RIPOR3: variants seen among roughly 807,000 people sequenced by gnomAD.
The protein encoded by RIPOR3 is RIPOR family member 3.
Under a neutral mutation model 114.3 loss-of-function variants are expected in RIPOR3, and 95 were observed. The ratio of observed to expected loss-of-function variants is 0.83; its 90% CI spans 0.70 to 0.99. The LOEUF (loss-of-function observed/expected upper bound fraction) is 0.99, where lower values mean the gene tolerates loss of function less well. Ranked by LOEUF, RIPOR3 falls within the 50% of genes least tolerant of loss-of-function variation. RIPOR3 has a pLI of 0.00. For missense variants in RIPOR3, 1,252 were observed against 1,266.9 expected, an observed-to-expected ratio of 0.99 and a Z score of 0.18; for synonymous variants, 575 against 543.8, an observed-to-expected ratio of 1.06 and a Z score of -0.80.
chr20:50,623,750 T>A (rs1326736541), intron 2 of RIPOR3, among the ~76,000 whole-genome samples: 1 of 152,206 alleles, frequency 6.6e-6, no homozygotes, highest in Non-Finnish European at 1.5e-5. Flanking sequence ...TGAGCCTAAG[T>A]AACTGGGGGC....
chr20:50,616,316 GTTA>G (rs939234317), intron 3 of RIPOR3, among the ~76,000 whole-genome samples: 2 of 152,064 alleles, frequency 1.3e-5, no homozygotes, highest in African/African-American at 2.4e-5. Context: ...AGCTTCTACT[GTTA>G]TTATATGCAT....
chr20:50,650,620 A>G (rs1227129752), intron 1 of RIPOR3, among the ~76,000 whole-genome samples: 1 of 152,178 alleles, frequency 6.6e-6, no homozygotes, highest in Non-Finnish European at 1.5e-5. Flanking sequence ...TATGAATTTT[A>G]GAGTGACCCA....
chr20:50,590,207 A>G (rs1021196230), intron 19 of RIPOR3, among the ~76,000 whole-genome samples: 30 of 152,174 alleles, frequency 2.0e-4, no homozygotes, highest in Non-Finnish European at 1.0e-4. Context: ...CTCCTGTCCA[A>G]TCCCAGCGGT....
At chr20:50,598,155 C>T (rs573834922) in intron 13 of RIPOR3, among the ~76,000 whole-genome samples, 1 of 152,190 alleles carries the variant, frequency 6.6e-6, no homozygotes, top group Non-Finnish European at 1.5e-5. Context: ...ATACCAACAA[C>T]AAATTTCAAA....
intron 13 of RIPOR3, 107 bp downstream of exon 13, chr20:50,601,965 G>T: frequency 8.8e-7 from 1 of 1,137,872 alleles, no homozygotes; most frequent in Non-Finnish European, 1.2e-6. Context: ...GTCACGCAGA[G>T]GTGAGGCCAG....
intron 1 of RIPOR3, among the ~76,000 whole-genome samples, chr20:50,635,712 C>T (rs868202713): frequency 6.6e-6 from 1 of 152,112 alleles, no homozygotes; most frequent in Admixed American, 6.5e-5. Context: ...AGAAGGAAAC[C>T]GAGGCTCAGA....
rs970771987 is a variant in RIPOR3 at position 50,590,850 on chromosome 20, C to T, written c.2578-1081G>A. 4.8e-5 allele frequency among the ~76,000 whole-genome samples: 7 copies of T among 145,952 alleles called. No homozygotes were observed. The East Asian group carries it at 6.1e-4, about 13-fold the overall frequency. On this transcript the variant is annotated intron_variant, in intron 19 of 21. Coordinates refer to ENST00000327979, the MANE Select transcript of RIPOR3 (RefSeq NM_001290268.2). ...TTTTTTTTGAGACAGAGTCTCACTT[C>T]GTTGCCCAGCCTGGGGTGCAGTAGC...
intron 2 of RIPOR3, chr20:50,620,965 C>T (rs529861524): frequency 1.2e-4 from 62 of 531,936 alleles, no homozygotes; most frequent in African/African-American, 9.7e-4. Context: ...ACAAACAGGC[C>T]CTCAAGTTCA....
chr20:50,612,054 G>T (rs1445631770), intron 4 of RIPOR3, among the ~76,000 whole-genome samples: 1 of 151,778 alleles, frequency 6.6e-6, no homozygotes, highest in Non-Finnish European at 1.5e-5. Flanking sequence ...GAACCTCAGA[G>T]GTGGAGGTTG....
At position 50,597,581 on chromosome 20, in the gene RIPOR3, G is replaced by A. The variant is rs770164575; in HGVS notation, c.1789C>T (p.Arg597Ter). Residue 597 changes from arginine (R) to a stop codon, truncating the protein, a stop_gained and splice_region_variant, in exon 14 of 22, where the codon CGA (arginine) becomes TGA (stop). Coordinates refer to ENST00000327979, the MANE Select transcript of RIPOR3 (RefSeq NM_001290268.2). LOFTEE classifies it high-confidence loss of function. ...ACTGCTGGAAGGAGGTGCACTCACCGGAGACCCTGGGAGCCCCCAAACAGG... is the reference window on the plus strand; with the variant it reads ...ACTGCTGGAAGGAGGTGCACTCACCAGAGACCCTGGGAGCCCCCAAACAGG... ...LSLFGGSQGL[R>*]KDRPLPPPSS... The A allele has an allele frequency of 1.4e-5, 23 of 1,603,576 alleles. No individual in the cohort carries two copies. The East Asian group carries it at 2.0e-4, about 14-fold the overall frequency.
chr20:50,606,463 G>A (rs1222574537), intron 11 of RIPOR3, among the ~76,000 whole-genome samples: 2 of 152,138 alleles, frequency 1.3e-5, no homozygotes, highest in South Asian at 2.1e-4. Flanking sequence ...CAAAGGCAAC[G>A]CTCCCTACAG....
chr20:50,625,725 G>A (rs2084594663), intron 2 of RIPOR3, among the ~76,000 whole-genome samples: 2 of 152,128 alleles, frequency 1.3e-5, no homozygotes, highest in Admixed American at 6.5e-5. Flanking sequence ...AAAGGGGGAA[G>A]GGCAACCATG....
chr20:50,644,629 A>T (rs954345108), intron 1 of RIPOR3, among the ~76,000 whole-genome samples: 1 of 142,130 alleles, frequency 7.0e-6, no homozygotes, highest in South Asian at 2.2e-4. Flanking sequence ...GACTACAGGC[A>T]TGTGCCACCA....
intron 3 of RIPOR3, among the ~76,000 whole-genome samples, chr20:50,617,382 G>T (rs1270373342): frequency 1.3e-5 from 2 of 152,146 alleles, no homozygotes; most frequent in African/African-American, 4.8e-5. Flanking sequence ...AAAGGACACA[G>T]AATCTGTCCT....
intron 12 of RIPOR3, among the ~76,000 whole-genome samples, chr20:50,603,090 C>T (rs185686411): frequency 3.6e-4 from 55 of 152,368 alleles, no homozygotes; most frequent in African/African-American, 1.3e-3. Flanking sequence ...GGCCCCTTCC[C>T]TTCCTGCTGT....
At chr20:50,671,816 A>G (rs988958694) in intron 1 of RIPOR3, among the ~76,000 whole-genome samples, 1 of 150,222 alleles carries the variant, frequency 6.7e-6, no homozygotes, top group African/African-American at 2.5e-5. Flanking sequence ...GGATAGATGG[A>G]TGGATGGATG....
rs553864610 is a variant in RIPOR3 at position 50,596,561 on chromosome 20, C to T, written c.1791-298G>A. Among the ~76,000 whole-genome samples, 38 of 152,318 alleles carry T rather than the reference C, an allele frequency of 2.5e-4. No homozygotes were observed. The South Asian group carries it at 3.3e-3, about 13-fold the overall frequency. ...TCTGTGACGCTGGACAAGTCTGCCT[C>T]CCCAAGGCTCAGGTGACTCATCTAT... On this transcript the variant is annotated intron_variant, in intron 14 of 21. Coordinates refer to ENST00000327979, the MANE Select transcript of RIPOR3 (RefSeq NM_001290268.2).
chr20:50,613,451 C>A (rs2084043886), intron 4 of RIPOR3, among the ~76,000 whole-genome samples: 2 of 150,856 alleles, frequency 1.3e-5, no homozygotes, highest in Non-Finnish European at 1.5e-5. Flanking sequence ...AGAATCCATC[C>A]CGAAAAAAAA....
intron 1 of RIPOR3, among the ~76,000 whole-genome samples, chr20:50,685,261 T>C (rs1474305969): frequency 2.0e-5 from 3 of 146,552 alleles, no homozygotes; most frequent in Admixed American, 6.9e-5. Flanking sequence ...TCTTGCTCTA[T>C]CACCCAGTGC....
Sources: allele counts gnomAD v4.1 joint callset (sites outside exome capture counted in the v4.1 genomes callset), GRCh38; gene constraint gnomAD v4.1.1; transcripts MANE v1.5; gene names NCBI Gene and HGNC (gene_info 2026-07-23, HGNC 2026-07-21).